Variants in JAKMIP2 observed in about 807,000 individuals in gnomAD.
JAKMIP2 encodes the protein janus kinase and microtubule interacting protein 2.
JAKMIP2 carries 25 observed loss-of-function variants against 115.0 expected under a neutral mutation model. The observed-to-expected ratio is 0.22, with a 90% CI of 0.16 to 0.30. JAKMIP2 has a LOEUF of 0.30. Ranked by LOEUF, JAKMIP2 falls within the 10% of genes least tolerant of loss-of-function variation. The pLI, the probability that JAKMIP2 is intolerant of heterozygous loss-of-function variation, is 1.00. For synonymous variants in JAKMIP2, 334 were observed against 343.6 expected, an observed-to-expected ratio of 0.97 and a Z score of 0.31; for missense variants, 642 against 957.6, an observed-to-expected ratio of 0.67 and a Z score of 4.35.
At chr5:147,663,057 T>C (rs1485103607) in intron 2 of JAKMIP2, among the ~76,000 whole-genome samples, 1 of 151,548 alleles carries the variant, frequency 6.6e-6, no homozygotes, top group Non-Finnish European at 1.5e-5. Context: ...GCTAGTTGAG[T>C]GATATCGAGT....
At chr5:147,634,212 C>A (rs1230328553) in intron 12 of JAKMIP2, among the ~76,000 whole-genome samples, 2 of 152,078 alleles carry the variant, frequency 1.3e-5, no homozygotes, top group Non-Finnish European at 1.5e-5. Context: ...TTCTGCCATC[C>A]CTTTATTTTG....
At chr5:147,645,817 A>G (rs1288251578) in intron 5 of JAKMIP2, among the ~76,000 whole-genome samples, 4 of 152,190 alleles carry the variant, frequency 2.6e-5, no homozygotes, top group Non-Finnish European at 4.4e-5. Flanking sequence ...GCGACCATCA[A>G]AAACATCAGA....
At chr5:147,756,550 A>T (rs961398106) in intron 1 of JAKMIP2, among the ~76,000 whole-genome samples, 2 of 152,210 alleles carry the variant, frequency 1.3e-5, no homozygotes, top group Admixed American at 1.3e-4. Flanking sequence ...TACAAACAAC[A>T]TCCAGTAAAT....
intron 1 of JAKMIP2, among the ~76,000 whole-genome samples, chr5:147,759,995 A>G (rs957152786): frequency 1.3e-5 from 2 of 152,084 alleles, no homozygotes; most frequent in African/African-American, 4.8e-5. Flanking sequence ...GGTAAAAGCA[A>G]CAGGATTGTT....
intron 4 of JAKMIP2, among the ~76,000 whole-genome samples, chr5:147,649,800 A>T (rs1315470107): frequency 6.6e-6 from 1 of 152,196 alleles, no homozygotes; most frequent in Non-Finnish European, 1.5e-5. Flanking sequence ...AGCCAACTGC[A>T]TATAAGCCCA....
At chr5:147,729,699 A>G (rs974272406) in intron 1 of JAKMIP2, among the ~76,000 whole-genome samples, 20 of 151,330 alleles carry the variant, frequency 1.3e-4, no homozygotes, top group Admixed American at 1.3e-3. Context: ...GTGTGAACCC[A>G]GGAGGCGGAG....
intron 11 of JAKMIP2, chr5:147,636,529 C>G: frequency 1.7e-6 from 1 of 584,586 alleles, no homozygotes; most frequent in African/African-American, 1.9e-5. Flanking sequence ...TAATCCAGGA[C>G]CAGCCTTCTG....
At chr5:147,595,330 T>A (rs1755313543) in intron 21 of JAKMIP2, 1 of 407,254 alleles carries the variant, frequency 2.5e-6, no homozygotes, top group African/African-American at 2.0e-5. Context: ...AGGCCATGAG[T>A]GCAGAATGGA....
In JAKMIP2 at chr5:147,715,983, A is replaced by AT. The variant is rs1302795243; in HGVS notation, c.-148-44030dup. On this transcript the variant is annotated intron_variant, in intron 1 of 21. Transcript: ENST00000616793. ...AGCATTAGGTATATCTCCCAATGCT[A>AT]TCCCTCCCCCCTCCCCCCACCCCAC... 4.3e-5 allele frequency among the ~76,000 whole-genome samples: 5 copies of AT among 117,060 alleles called. No homozygotes were observed. The South Asian group carries it at 1.5e-3, about 36-fold the overall frequency. 76.8% of individuals were successfully genotyped at this position (117,060 alleles called of 152,430 possible).
intron 3 of JAKMIP2, among the ~76,000 whole-genome samples, chr5:147,652,035 T>C (rs1189888038): frequency 6.6e-6 from 1 of 152,226 alleles, no homozygotes; most frequent in Non-Finnish European, 1.5e-5. Context: ...AATCATTCTA[T>C]TACTGCCCAC....
chr5:147,603,309 T>C (rs1277578745), intron 20 of JAKMIP2, among the ~76,000 whole-genome samples: 1 of 152,124 alleles, frequency 6.6e-6, no homozygotes, highest in Non-Finnish European at 1.5e-5. Flanking sequence ...TCTCATAGAG[T>C]AATTATGAGA....
intron 21 of JAKMIP2, among the ~76,000 whole-genome samples, chr5:147,597,063 T>A (rs1755428726): frequency 1.5e-5 from 2 of 130,678 alleles, no homozygotes; most frequent in Non-Finnish European, 3.3e-5. Context: ...TTTTTTTTTT[T>A]AGTAGAATGG....
Position 147,644,899 on chromosome 5 carries a change from T to C in JAKMIP2, c.1034A>G (p.Gln345Arg). The C allele has an allele frequency of 6.2e-7, 1 of 1,613,132 alleles. No individual in the cohort carries two copies. The highest frequency in any genetic ancestry group is 1.3e-5 in the African/African-American group (1 of 74,996). Reference sequence around the variant, plus strand: ...GGCTTTTAGTTTTTCTTCCATGCGCTGCAAGGACACCATCAGTTCATCGTT... The same window carrying C: ...GGCTTTTAGTTTTTCTTCCATGCGCCGCAAGGACACCATCAGTTCATCGTT... The part of the protein sequence containing the change: ...KRNDELMVSL[Q>R]RMEEKLKAVT... Residue 345 changes from glutamine (Q) to arginine (R), a missense_variant, in exon 6 of 22, where the codon CAG (glutamine) becomes CGG (arginine). Physicochemically the swap from Gln to Arg is conservative, Grantham distance 43. This residue lies in a region of JAKMIP2 where 439 missense variants were observed against 570.9 expected (regional missense o/e 0.77). Transcript: ENST00000616793.
intron 1 of JAKMIP2, among the ~76,000 whole-genome samples, chr5:147,703,408 A>G (rs1752448141): frequency 6.6e-6 from 1 of 152,126 alleles, no homozygotes; most frequent in African/African-American, 2.4e-5. Context: ...GTACACCTGT[A>G]TGGAGGGAGT....
At chr5:147,608,461 G>T (rs542244400) in intron 20 of JAKMIP2, among the ~76,000 whole-genome samples, 1 of 152,052 alleles carries the variant, frequency 6.6e-6, no homozygotes, top group Non-Finnish European at 1.5e-5. Context: ...CAGATTGTTC[G>T]GTTTCCATGT....
At chr5:147,739,887 T>C (rs969642598) in intron 1 of JAKMIP2, among the ~76,000 whole-genome samples, 2 of 152,286 alleles carry the variant, frequency 1.3e-5, no homozygotes, top group South Asian at 2.1e-4. Context: ...ATCAGAGAAG[T>C]CACAGCCCCT....
At chr5:147,716,786 T>G (rs6650978) in intron 1 of JAKMIP2, among the ~76,000 whole-genome samples, 19 of 148,612 alleles carry the variant, frequency 1.3e-4, no homozygotes, top group African/African-American at 2.2e-4. Context: ...TTTCTCCCAT[T>G]TTGTAGGTTG....
intron 3 of JAKMIP2, among the ~76,000 whole-genome samples, chr5:147,655,240 C>T (rs563412559): frequency 2.0e-5 from 3 of 152,242 alleles, no homozygotes; most frequent in Admixed American, 6.5e-5. Context: ...AGGAGTCCCT[C>T]CTTTTAAATT....
At chr5:147,764,991 G>GAGAGAGAGAGAGAGA (rs1755098163) in intron 1 of JAKMIP2, among the ~76,000 whole-genome samples, 2 of 37,154 alleles carry the variant, frequency 5.4e-5, no homozygotes, top group Non-Finnish European at 1.0e-4. Context: ...AGAGAGAGAG[G>GAGAGAGAGAGAGAGA]GAGAGAGAGA....
Sources: gnomAD v4.1 joint callset for allele counts (sites outside exome capture counted in the v4.1 genomes callset) on GRCh38, gnomAD v4.1.1 for gene constraint, gnomAD v4.1.1 regional missense constraint, MANE v1.5 for transcripts, NCBI Gene and HGNC (gene_info 2026-07-23, HGNC 2026-07-21) for gene names.